Variants in PHACTR1 observed in about 807,000 individuals in gnomAD.
The protein encoded by PHACTR1 is RPEL repeat containing 1.
PHACTR1 carries 16 observed loss-of-function variants against 69.2 expected under a neutral mutation model. The ratio of observed to expected loss-of-function variants is 0.23; its 90% confidence interval spans 0.16 to 0.35. The LOEUF (loss-of-function observed/expected upper bound fraction) is 0.35. Ranked by LOEUF, PHACTR1 falls within the 10% of genes least tolerant of loss-of-function variation. The pLI is 1.00. For missense variants in PHACTR1, 510 were observed against 734.7 expected (o/e 0.69, Z 3.54); for synonymous variants, 312 against 284.5 (o/e 1.10, Z -0.97).
Position 12,749,685 on chromosome 6 carries a change from G to T in PHACTR1, c.145G>T (p.Ala49Ser). Residue 49 changes from alanine to serine, a missense_variant, in exon 4 of 15, where the codon GCA (alanine) becomes TCA (serine). Ala to Ser is a moderately conservative substitution (Grantham distance 99, BLOSUM62 1). Transcript: ENST00000332995. ...GCTCCTGCCTCCCACATTAATGGCG[G>T]CATCCTCGGAGGATGATATAGACCG... is the stretch of plus-strand genomic sequence containing the variant. ...TLLLPPTLMA[A>S]SSEDDIDRRP... 6.2e-7 allele frequency: 1 copy of T among 1,611,974 alleles called. No individual in the cohort carries two copies.
chr6:13,013,866 CCCCGGGCG>C (rs1799774345), intron 4 of PHACTR1, among the ~76,000 whole-genome samples: 2 of 147,714 alleles, frequency 1.4e-5, no homozygotes, highest in African/African-American at 5.0e-5. Context: ...CAGCGCCCGG[CCCCGGGCG>C]CCCGGGGGCC....
At position 13,272,751 on chromosome 6, in the gene PHACTR1, C is replaced by G. The variant is rs776969014; in HGVS notation, c.1392-109C>G. 5 of 1,612,478 alleles carry G rather than the reference C, an allele frequency of 3.1e-6. No individual in the cohort carries two copies. The African/African-American group carries it at 5.3e-5, about 17-fold the overall frequency. On this transcript the variant is annotated intron_variant, in intron 10 of 14. Transcript: ENST00000332995. The stretch of plus-strand genomic sequence containing the variant: ...CAGTCTTTCAGAGCACAGGATGGAA[C>G]AAGAACTCCAGCCACTGACTGTCTC...
At chr6:12,796,591 A>T (rs969750903) in intron 4 of PHACTR1, among the ~76,000 whole-genome samples, 2 of 152,220 alleles carry the variant, frequency 1.3e-5, no homozygotes, top group Non-Finnish European at 1.5e-5. Context: ...GATTCCCCAC[A>T]TATCTGCTAG....
At chr6:12,942,576 T>A (rs532812327) in intron 4 of PHACTR1, among the ~76,000 whole-genome samples, 1 of 152,214 alleles carries the variant, frequency 6.6e-6, no homozygotes, top group African/African-American at 2.4e-5. Flanking sequence ...GGAGAATCGC[T>A]TGAACCCAGG....
At chr6:13,093,698 T>A (rs2127835764) in intron 5 of PHACTR1, among the ~76,000 whole-genome samples, 1 of 152,300 alleles carries the variant, frequency 6.6e-6, no homozygotes, top group East Asian at 1.9e-4. Flanking sequence ...TGGGTTCTAG[T>A]CCAGTTCTTT....
At chr6:12,727,007 C>A (rs1023445036) in intron 3 of PHACTR1, among the ~76,000 whole-genome samples, 2 of 152,136 alleles carry the variant, frequency 1.3e-5, no homozygotes, top group African/African-American at 4.8e-5. Context: ...TCACCCTCAA[C>A]AAATACTTGT....
intron 4 of PHACTR1, among the ~76,000 whole-genome samples, chr6:12,752,550 A>G (rs1019561467): frequency 6.6e-6 from 1 of 152,246 alleles, no homozygotes; most frequent in Non-Finnish European, 1.5e-5. Context: ...ACATAAACCC[A>G]TGTTTGATAT....
At chr6:13,284,070 T>C (rs1425522401) in intron 13 of PHACTR1, among the ~76,000 whole-genome samples, 1 of 152,078 alleles carries the variant, frequency 6.6e-6, no homozygotes, top group Non-Finnish European at 1.5e-5. Flanking sequence ...TAATCTGAGG[T>C]TCAGTTTGTT....
At chr6:12,997,038 G>A (rs1173600733) in intron 4 of PHACTR1, among the ~76,000 whole-genome samples, 2 of 151,910 alleles carry the variant, frequency 1.3e-5, no homozygotes, top group African/African-American at 2.4e-5. Flanking sequence ...GTTGGCGCAT[G>A]CCTGTAATCC....
chr6:13,276,554 C>T (rs1197955601), intron 11 of PHACTR1, among the ~76,000 whole-genome samples: 7 of 152,116 alleles, frequency 4.6e-5, no homozygotes, highest in Non-Finnish European at 1.0e-4. Flanking sequence ...GGTGGATCAC[C>T]TGAGGTCAGG....
intron 4 of PHACTR1, among the ~76,000 whole-genome samples, chr6:12,759,119 C>G (rs932124983): frequency 4.7e-5 from 6 of 128,282 alleles, no homozygotes; most frequent in Non-Finnish European, 6.5e-5. Flanking sequence ...CAAGACTCCA[C>G]CTCAAAAAAA....
rs535402697 is a variant in PHACTR1, at chr6:13,236,752, G to A, written c.1391+6559G>A. 6.6e-5 allele frequency among the ~76,000 whole-genome samples: 10 copies of A among 152,286 alleles called. No individual in the cohort carries two copies. In the East Asian group the frequency reaches 1.7e-3, roughly 26 times the overall value. ...TGTCTCAATAAGGGGACATTCTGAG[G>A]TACTGGGATTAGGATTTCAACCTAG... On this transcript the variant is annotated intron_variant, in intron 10 of 14. Coordinates refer to ENST00000332995, the MANE Select transcript of PHACTR1 (RefSeq NM_030948.6).
intron 4 of PHACTR1, among the ~76,000 whole-genome samples, chr6:12,992,919 TC>T (rs1463666009): frequency 6.6e-5 from 10 of 151,334 alleles, no homozygotes; most frequent in African/African-American, 2.2e-4. Context: ...GAAGCTGGCC[TC>T]CCCACCTTAA....
In PHACTR1 at chr6:13,230,133, C is replaced by T. The variant is rs1770586579; in HGVS notation, c.1331C>T (p.Pro444Leu). 6.2e-7 allele frequency: 1 copy of T among 1,611,770 alleles called. No individual in the cohort carries two copies. The highest frequency in any genetic ancestry group is 1.1e-5 in the South Asian group (1 of 90,342). ...GAGCTGGAAGAAAAGAACATCCTTCCCAGGCAGACGGATGAGGAGCGGCTG... is the reference window on the plus strand; with the variant it reads ...GAGCTGGAAGAAAAGAACATCCTTCTCAGGCAGACGGATGAGGAGCGGCTG... ...KRELEEKNIL[P>L]RQTDEERLEL... Residue 444 changes from proline (P) to leucine (L), a missense_variant, in exon 10 of 15, where the codon CCC (proline) becomes CTC (leucine). Physicochemically the swap from Pro to Leu is moderately conservative, Grantham distance 98. Coordinates refer to ENST00000332995, the MANE Select transcript of PHACTR1 (RefSeq NM_030948.6).
intron 5 of PHACTR1, among the ~76,000 whole-genome samples, chr6:13,088,684 T>A (rs1309590501): frequency 6.6e-6 from 1 of 152,202 alleles, no homozygotes; most frequent in Non-Finnish European, 1.5e-5. Context: ...GTATAAGATG[T>A]TCCTTTCTCC....
chr6:13,031,886 T>C (rs1179146780), intron 4 of PHACTR1, among the ~76,000 whole-genome samples: 1 of 152,262 alleles, frequency 6.6e-6, no homozygotes, highest in Non-Finnish European at 1.5e-5. Flanking sequence ...AAGTGCTAAA[T>C]GTAAATGTCT....
rs142531301 is a variant in PHACTR1, at chr6:12,991,102, G to A, written c.251-62263G>A. Among the ~76,000 whole-genome samples, 4 of 152,280 alleles carry A rather than the reference G, an allele frequency of 2.6e-5. No individual in the cohort carries two copies. The East Asian group carries it at 7.7e-4, about 29-fold the overall frequency. ...TTCCAGGCTTGAGGGTGGGGCTTTT[G>A]CCAGGGAACCACCCTCTTCTGCCCA... On this transcript the variant is annotated intron_variant, in intron 4 of 14. Coordinates refer to ENST00000332995, the MANE Select transcript of PHACTR1 (RefSeq NM_030948.6).
At chr6:13,052,632 A>C (rs925420334) in intron 4 of PHACTR1, among the ~76,000 whole-genome samples, 36 of 152,204 alleles carry the variant, frequency 2.4e-4, no homozygotes, top group African/African-American at 8.4e-4. Context: ...TATGAGATTG[A>C]AAGTTGAATA....
At chr6:13,121,836 T>C (rs1370810492) in intron 5 of PHACTR1, among the ~76,000 whole-genome samples, 1 of 152,206 alleles carries the variant, frequency 6.6e-6, no homozygotes, top group Non-Finnish European at 1.5e-5. Flanking sequence ...GGTGATCATA[T>C]GAGCAAGGCT....
Sources: allele counts gnomAD v4.1 joint callset (sites outside exome capture counted in the v4.1 genomes callset), GRCh38; gene constraint gnomAD v4.1.1; transcripts MANE v1.5; gene names NCBI Gene and HGNC (gene_info 2026-07-23, HGNC 2026-07-21).